Variants in ZNF84 observed in about 807,000 individuals in gnomAD.
The protein encoded by ZNF84 is zinc finger protein HPF2.
In ZNF84, 12 loss-of-function variants were observed where a neutral mutation model predicts 14.8. That is an observed-to-expected ratio of 0.81 (90% confidence interval 0.52 to 1.31). ZNF84 has a LOEUF of 1.31. Among genes scored for constraint, ZNF84 ranks in the 50% most tolerant of loss-of-function variants. ZNF84 has a pLI of 0.00. For synonymous variants in ZNF84, 347 were observed against 291.1 expected, an observed-to-expected ratio of 1.19 and a Z score of -1.96; for missense variants, 859 against 878.6, an observed-to-expected ratio of 0.98 and a Z score of 0.28.
At chr12:133,054,943 AATTT>A (rs2137405645) in intron 4 of ZNF84, among the ~76,000 whole-genome samples, 1 of 152,070 alleles carries the variant, frequency 6.6e-6, no homozygotes, top group East Asian at 1.9e-4. Context: ...ATCTTATTAA[AATTT>A]ATTTTTCTGC....
chr12:133,043,886 T>G (rs897268702), intron 2 of ZNF84, among the ~76,000 whole-genome samples: 2 of 151,736 alleles, frequency 1.3e-5, no homozygotes, highest in Non-Finnish European at 2.9e-5. Context: ...CCTAAGTACC[T>G]GGGATTACAG....
intron 2 of ZNF84, among the ~76,000 whole-genome samples, chr12:133,046,973 T>TA (rs1953993764): frequency 7.1e-6 from 1 of 140,926 alleles, no homozygotes; most frequent in Non-Finnish European, 1.5e-5. Context: ...ATTATATTAT[T>TA]TATATATATA....
intron 1 of ZNF84, chr12:133,040,402 G>T (rs1007718568): frequency 6.6e-6 from 1 of 151,050 alleles, no homozygotes; most frequent in African/African-American, 2.4e-5. Flanking sequence ...TCTCTACAAA[G>T]AAAAAAAATA....
rs931733002 is a variant in ZNF84, at chr12:133,048,407, A to G, written c.142+326A>G. ...TTTACGTATATCAACTCATTTAGTC[A>G]TCAGAGCAATCCTATGTGGCAAGTA... On this transcript the variant is annotated intron_variant, in intron 3 of 4. Transcript: ENST00000539354. The G allele has an allele frequency of 2.0e-3, 569 of 284,690 alleles. 3 individuals are homozygous for G. The highest frequency in any genetic ancestry group is 0.011 in the African/African-American group (532 of 47,280). 17.6% of individuals were successfully genotyped at this position (284,690 alleles called of 1,614,324 possible). A position where few individuals can be genotyped will look rare whatever the true frequency, so the allele number is the denominator to read the frequency against.
intron 4 of ZNF84, among the ~76,000 whole-genome samples, chr12:133,049,176 C>T (rs1349837830): frequency 6.6e-6 from 1 of 152,166 alleles, no homozygotes; most frequent in African/African-American, 2.4e-5. Context: ...TGACGTTATT[C>T]TCTGTAACAT....
chr12:133,052,170 T>C (rs1003964761), intron 4 of ZNF84, among the ~76,000 whole-genome samples: 9 of 152,156 alleles, frequency 5.9e-5, no homozygotes, highest in African/African-American at 2.2e-4. Flanking sequence ...CAGAAATTTA[T>C]TTCTCAGTTT....
In ZNF84 at chr12:133,060,727, GT is replaced by G. The variant is rs1347381156; in HGVS notation, c.*1798del. The stretch of plus-strand genomic sequence containing the variant: ...TATCATTTGAAATGTATTTGACTTT[GT>G]TTCACTAGTTGCATTATCCCCATGG... On this transcript the variant is annotated 3_prime_UTR_variant, in exon 5 of 5. Coordinates refer to ENST00000539354, the MANE Select transcript of ZNF84 (RefSeq NM_001289971.2). 3 of 152,148 alleles carry G rather than the reference GT, an allele frequency of 2.0e-5. No individual in the cohort carries two copies. The highest frequency in any genetic ancestry group is 4.4e-5 in the Non-Finnish European group (3 of 68,024). 9.4% of individuals were successfully genotyped at this position (152,148 alleles called of 1,614,324 possible). A position where few individuals can be genotyped will look rare whatever the true frequency, so the allele number is the denominator to read the frequency against.
chr12:133,048,772 A>G lies in ZNF84; in HGVS notation c.162A>G (p.Pro54=). 6.2e-7 allele frequency: 1 copy of G among 1,613,842 alleles called. No homozygotes were observed. Among genetic ancestry groups the G allele is most frequent in the Non-Finnish European group, 8.5e-7 (1 of 1,179,832 alleles). The stretch of plus-strand genomic sequence containing the variant: ...TAACAGGGTATGAAGTTATGAAACC[A>G]GATGTCATCTTCAAATTGGAGCAAG... ...LVSLGYEVMK[P]DVIFKLEQGE... Residue 54 remains proline (P), a synonymous_variant, in exon 4 of 5, where the codon CCA becomes CCG. Transcript: ENST00000539354.
rs1334558573 is a variant in ZNF84, at chr12:133,059,151, T to C, written c.*219T>C. On this transcript the variant is annotated 3_prime_UTR_variant, in exon 5 of 5. Transcript: ENST00000539354. ...AAACTTTTAAAACCATAGACAAGCCTTATAGAGTAGAACATTCACAGCAAA... is the reference window on the plus strand; with the variant it reads ...AAACTTTTAAAACCATAGACAAGCCCTATAGAGTAGAACATTCACAGCAAA... The C allele has an allele frequency of 6.2e-6, 3 of 481,018 alleles. No homozygotes were observed. Among genetic ancestry groups the C allele is most frequent in the Non-Finnish European group, 1.1e-5 (3 of 275,788 alleles). The allele number at this position is 481,018 out of a possible 1,614,324, so 29.8% of individuals were successfully genotyped here. A position where few individuals can be genotyped will look rare whatever the true frequency, so the allele number is the denominator to read the frequency against.
chr12:133,041,740 A>T (rs2137328951), intron 2 of ZNF84, among the ~76,000 whole-genome samples: 1 of 152,280 alleles, frequency 6.6e-6, no homozygotes, highest in African/African-American at 2.4e-5. Flanking sequence ...TTTGTTTTCA[A>T]ATTTTTGGTA....
At chr12:133,056,090 C>T (rs1272968747) in intron 4 of ZNF84, among the ~76,000 whole-genome samples, 14 of 152,136 alleles carry the variant, frequency 9.2e-5, no homozygotes, top group Admixed American at 3.3e-4. Context: ...AGAAACAATA[C>T]ACAAAATATT....
rs1954287250 is a variant in ZNF84 at position 133,062,853 on chromosome 12, T to A, written c.*3921T>A. On this transcript the variant is annotated 3_prime_UTR_variant, in exon 5 of 5. Transcript: ENST00000539354. The stretch of plus-strand genomic sequence containing the variant: ...CCTCTGTGAACAACTTGTAGTTCCT[T>A]GAGATTTCTATTATCACTTATGTTT... The A allele has an allele frequency of 2.0e-6, 1 of 509,036 alleles. No homozygotes were observed. Among genetic ancestry groups the A allele is most frequent in the African/African-American group, 1.9e-5 (1 of 52,688 alleles). The allele number at this position is 509,036 out of a possible 1,614,324, so 31.5% of individuals were successfully genotyped here.
Position 133,041,104 on chromosome 12 carries a change from C to G in ZNF84, c.-190-174C>G, listed in dbSNP as rs1447944564. 1.4e-5 allele frequency: 4 copies of G among 281,770 alleles called. No homozygotes were observed. In the East Asian group the frequency reaches 2.6e-4, roughly 18 times the overall value. The allele number at this position is 281,770 out of a possible 1,614,324, so 17.5% of individuals were successfully genotyped here. ...TATTTCCTTATCTGTTTGCAGAGAC[C>G]TAGGCTTCCACTGTTCCATTTTACT... On this transcript the variant is annotated intron_variant, in intron 1 of 4. Coordinates refer to ENST00000539354, the MANE Select transcript of ZNF84 (RefSeq NM_001289971.2).
Position 133,058,939 on chromosome 12 carries a change from A to G in ZNF84, c.*7A>G. The stretch of plus-strand genomic sequence containing the variant: ...TACAGTAAAAAAATCCTAGGAATAC[A>G]GTTAATAGTAGTCTTTGACAGATCA... On this transcript the variant is annotated 3_prime_UTR_variant, in exon 5 of 5. Coordinates refer to ENST00000539354, the MANE Select transcript of ZNF84 (RefSeq NM_001289971.2). 1 of 1,577,114 alleles carries G rather than the reference A, an allele frequency of 6.3e-7. No individual in the cohort carries two copies.
intron 2 of ZNF84, among the ~76,000 whole-genome samples, chr12:133,045,767 A>G (rs1301308518): frequency 6.6e-6 from 1 of 152,068 alleles, no homozygotes; most frequent in Middle Eastern, 3.2e-3. Flanking sequence ...CCTGGCATTC[A>G]CTGAACTTCT....
At chr12:133,040,626 T>C (rs893364742) in intron 1 of ZNF84, 6 of 138,022 alleles carry the variant, frequency 4.3e-5, no homozygotes, top group Non-Finnish European at 9.5e-5. Context: ...TAAGATAAAA[T>C]AGATTTTAAG....
intron 3 of ZNF84, 198 bp downstream of exon 3, chr12:133,048,279 A>G: frequency 2.1e-6 from 1 of 474,900 alleles, no homozygotes; most frequent in Admixed American, 3.3e-5. Context: ...TGAAGTTGTA[A>G]GTTTGTCATG....
Position 133,059,132 on chromosome 12 carries a change from T to C in ZNF84, c.*200T>C. 1 of 545,320 alleles carries C rather than the reference T, an allele frequency of 1.8e-6. No homozygotes were observed. The allele number at this position is 545,320 out of a possible 1,614,324, so 33.8% of individuals were successfully genotyped here. A position where few individuals can be genotyped will look rare whatever the true frequency, so the allele number is the denominator to read the frequency against. On this transcript the variant is annotated 3_prime_UTR_variant, in exon 5 of 5. Transcript: ENST00000539354. ...TGACTGCAGTGGATCTCAAAAACTTTTAAAACCATAGACAAGCCTTATAGA... is the reference window on the plus strand; with the variant it reads ...TGACTGCAGTGGATCTCAAAAACTTCTAAAACCATAGACAAGCCTTATAGA...
In ZNF84 at chr12:133,044,426, A is replaced by G. The variant is rs966409399; in HGVS notation, c.15+2944A>G. Among the ~76,000 whole-genome samples the G allele has an allele frequency of 3.1e-3, 467 of 152,136 alleles. 2 individuals are homozygous for G. The highest frequency in any genetic ancestry group is 0.01 in the African/African-American group (433 of 41,496). On this transcript the variant is annotated intron_variant, in intron 2 of 4. Coordinates refer to ENST00000539354, the MANE Select transcript of ZNF84 (RefSeq NM_001289971.2). ...TGCCTCACCCTATCAAATAGTTGAA[A>G]TTATAGGCATGAGCCAGCACACCTG...
Sources: allele counts gnomAD v4.1 joint callset (sites outside exome capture counted in the v4.1 genomes callset), GRCh38; gene constraint gnomAD v4.1.1; transcripts MANE v1.5; gene names NCBI Gene and HGNC (gene_info 2026-07-23, HGNC 2026-07-21).